Variants in GALNT13 observed in about 807,000 individuals in gnomAD.
The protein encoded by GALNT13 is UDP-GalNAc:polypeptide N-acetylgalactosaminyltransferase 13.
GALNT13 carries 28 observed loss-of-function variants against 64.2 expected under a neutral mutation model. That is an observed-to-expected ratio of 0.44 (90% confidence interval 0.32 to 0.60). GALNT13 has a LOEUF of 0.60. Ranked by LOEUF, GALNT13 falls within the 20% of genes least tolerant of loss-of-function variation. GALNT13 has a pLI of 0.05. For missense variants in GALNT13, 577 were observed against 669.8 expected (o/e 0.86, Z 1.53); for synonymous variants, 214 against 224.6 (o/e 0.95, Z 0.42).
the GALNT13 span, among the ~76,000 whole-genome samples, chr2:153,828,740 C>T: frequency 0.29 from 44,120 of 152,036 alleles, 6,975 homozygotes; most frequent in Middle Eastern, 0.43. Context: ...TGCAGCTGGG[C>T]TTGAATTTCT....
At chr2:153,766,915 T>C in the GALNT13 span, among the ~76,000 whole-genome samples, 1 of 152,124 alleles carries the variant, frequency 6.6e-6, no homozygotes, top group African/African-American at 2.4e-5. Context: ...CTTTTCACTT[T>C]TTTATTTACT....
chr2:153,554,973 T>A, the GALNT13 span, among the ~76,000 whole-genome samples: 84 of 152,178 alleles, frequency 5.5e-4, 1 homozygote, highest in East Asian at 0.014. Flanking sequence ...TTGGTCTGTA[T>A]CCCCAGGCCT....
intron 11 of GALNT13, among the ~76,000 whole-genome samples, chr2:154,410,155 G>A (rs1699729750): frequency 6.6e-6 from 1 of 151,870 alleles, no homozygotes; most frequent in Non-Finnish European, 1.5e-5. Flanking sequence ...AACATAGGCA[G>A]ACTAATGACA....
the GALNT13 span, among the ~76,000 whole-genome samples, chr2:153,641,929 T>C: frequency 3.3e-5 from 5 of 152,148 alleles, no homozygotes; most frequent in South Asian, 2.1e-4. Context: ...TTATAAAATA[T>C]ATGTCATAAA....
chr2:153,351,895 A>G, the GALNT13 span, among the ~76,000 whole-genome samples: 5 of 152,154 alleles, frequency 3.3e-5, no homozygotes, highest in African/African-American at 1.2e-4. Context: ...AGTTTGGGCA[A>G]TTATAAATAA....
chr2:153,525,344 C>T, the GALNT13 span, among the ~76,000 whole-genome samples: 2 of 152,174 alleles, frequency 1.3e-5, no homozygotes, highest in Non-Finnish European at 2.9e-5. Context: ...AGGGGCAAAA[C>T]CCCTACTGCT....
the GALNT13 span, among the ~76,000 whole-genome samples, chr2:153,444,021 A>G: frequency 6.6e-6 from 1 of 152,162 alleles, no homozygotes; most frequent in Non-Finnish European, 1.5e-5. Context: ...TCTATAATTT[A>G]TCTTGACAGT....
At chr2:153,636,361 A>G in the GALNT13 span, among the ~76,000 whole-genome samples, 1 of 152,236 alleles carries the variant, frequency 6.6e-6, no homozygotes, top group East Asian at 1.9e-4. Flanking sequence ...GCAGAATCAT[A>G]CTTTATTTAA....
At chr2:154,165,824 A>G (rs1684991341) in intron 4 of GALNT13, among the ~76,000 whole-genome samples, 1 of 152,200 alleles carries the variant, frequency 6.6e-6, no homozygotes, top group African/African-American at 2.4e-5. Context: ...ACGAAGAGAA[A>G]GCTATTAGCT....
At chr2:153,197,676 C>A in the GALNT13 span, among the ~76,000 whole-genome samples, 1 of 152,174 alleles carries the variant, frequency 6.6e-6, no homozygotes, top group Non-Finnish European at 1.5e-5. Flanking sequence ...GTGAAGGCAA[C>A]GCGTGGGGAA....
At chr2:153,277,820 G>A in the GALNT13 span, among the ~76,000 whole-genome samples, 6 of 150,398 alleles carry the variant, frequency 4.0e-5, no homozygotes, top group East Asian at 7.8e-4. Flanking sequence ...CTGCTTGTAT[G>A]TCTTATTTTG....
the GALNT13 span, among the ~76,000 whole-genome samples, chr2:153,566,600 T>C: frequency 6.6e-6 from 1 of 152,312 alleles, no homozygotes; most frequent in South Asian, 2.1e-4. Flanking sequence ...GTGATCCGCC[T>C]GCCTTGGCTT....
the GALNT13 span, among the ~76,000 whole-genome samples, chr2:153,218,878 T>C: frequency 1.3e-5 from 2 of 152,324 alleles, no homozygotes; most frequent in East Asian, 3.9e-4. Context: ...TTGGACTAGT[T>C]GGTTGACTTG....
the GALNT13 span, among the ~76,000 whole-genome samples, chr2:153,749,969 A>G: frequency 2.0e-5 from 3 of 151,808 alleles, no homozygotes; most frequent in Non-Finnish European, 4.4e-5. Context: ...TGGGCCTGTC[A>G]TATATTGCTT....
At chr2:153,478,618 G>C in the GALNT13 span, 6 of 1,415,288 alleles carry the variant, frequency 4.2e-6, no homozygotes, top group Non-Finnish European at 5.7e-6. Flanking sequence ...GTGGGAAGGC[G>C]GCGGCGCTGG....
At chr2:154,206,042 G>C (rs1687427583) in intron 4 of GALNT13, among the ~76,000 whole-genome samples, 1 of 151,884 alleles carries the variant, frequency 6.6e-6, no homozygotes, top group South Asian at 2.1e-4. Flanking sequence ...CTGTCACCCA[G>C]GTGGGAGTGC....
At chr2:154,240,021 A>T (rs555152354) in intron 4 of GALNT13, among the ~76,000 whole-genome samples, 211 of 152,314 alleles carry the variant, frequency 1.4e-3, no homozygotes, top group African/African-American at 4.7e-3. Flanking sequence ...AGTTTATATT[A>T]TGGTACTAAT....
the GALNT13 span, among the ~76,000 whole-genome samples, chr2:153,539,469 T>C: frequency 3.9e-5 from 6 of 152,004 alleles, no homozygotes; most frequent in African/African-American, 9.7e-5. Flanking sequence ...TCCTTGCCCA[T>C]GCCTATGTCC....
At chr2:154,419,737 T>G (rs1030151276) in intron 11 of GALNT13, among the ~76,000 whole-genome samples, 1 of 152,124 alleles carries the variant, frequency 6.6e-6, no homozygotes, top group Non-Finnish European at 1.5e-5. Flanking sequence ...GGATATCTAC[T>G]GTGATTATCG....
Sources: gnomAD v4.1 joint callset for allele counts (sites outside exome capture counted in the v4.1 genomes callset) on GRCh38, gnomAD v4.1.1 for gene constraint, MANE v1.5 for transcripts, NCBI Gene and HGNC (gene_info 2026-07-23, HGNC 2026-07-21) for gene names.